The following NOS1 variants were observed in gnomAD, a reference collection of about 807,000 sequenced individuals.
NOS1 encodes nitric oxide synthase 1, also known as NOS type I.
Under a neutral mutation model 164.5 loss-of-function variants are expected in NOS1, and 51 were observed. The ratio of observed to expected loss-of-function variants is 0.31; its 90% CI spans 0.25 to 0.39. NOS1 has a LOEUF of 0.39. Ranked by LOEUF, NOS1 falls within the 10% of genes least tolerant of loss-of-function variation. The probability of loss-of-function intolerance (pLI) is 1.00; values close to 1 mark genes in which losing one functional copy is unlikely to be tolerated. For missense variants in NOS1, 1,362 were observed against 1,885.6 expected, an observed-to-expected ratio of 0.72 and a Z score of 5.14; for synonymous variants, 719 against 745.8, an observed-to-expected ratio of 0.96 and a Z score of 0.59.
rs1876870245 is a variant in NOS1, at chr12:117,356,710, A to G, written c.-421+4802T>C. ...CTTAGCATCATACGACTGTGCCAAGACCCATGTCCACTATACCCTGTTAAC... is the reference window on the plus strand; with the variant it reads ...CTTAGCATCATACGACTGTGCCAAGGCCCATGTCCACTATACCCTGTTAAC... On this transcript the variant is annotated intron_variant, in intron 1 of 28. Transcript: ENST00000317775. The surrounding 1 kb of genome is among the most constrained non-coding windows in gnomAD (Gnocchi z 4.2). Among the ~76,000 whole-genome samples, 1 of 152,230 alleles carries G rather than the reference A, an allele frequency of 6.6e-6. No individual in the cohort carries two copies. Among genetic ancestry groups the G allele is most frequent in the African/African-American group, 2.4e-5 (1 of 41,464 alleles).
At chr12:117,258,351 T>C in intron 16 of NOS1, 46 bp downstream of exon 16, 1 of 1,602,476 alleles carries the variant, frequency 6.2e-7, no homozygotes. Context: ...CAATGTCCAG[T>C]TACCCTCGGG....
intron 27 of NOS1, among the ~76,000 whole-genome samples, chr12:117,219,298 G>GTT (rs201472999): frequency 6.7e-6 from 1 of 148,474 alleles, no homozygotes; most frequent in Admixed American, 6.7e-5. Flanking sequence ...GTTTTGTTTT[G>GTT]TTTTGTTTTT....
At chr12:117,334,528 C>T (rs1268300283) in intron 1 of NOS1, among the ~76,000 whole-genome samples, 1 of 152,094 alleles carries the variant, frequency 6.6e-6, no homozygotes, top group Non-Finnish European at 1.5e-5. Context: ...TCCCGAGTAG[C>T]TGGGATTACG....
In NOS1 at chr12:117,285,327, G is replaced by T; in HGVS notation, c.1296C>A (p.Phe432Leu). The T allele has an allele frequency of 6.2e-7, 1 of 1,606,484 alleles. No homozygotes were observed. Among genetic ancestry groups the T allele is most frequent in the South Asian group, 1.1e-5 (1 of 90,406 alleles). Residue 432 changes from phenylalanine (F) to leucine (L), a missense_variant, in exon 7 of 29, where the codon TTC becomes TTA. Phe to Leu is a conservative substitution (Grantham distance 22). Around this residue, in one of 4 missense-constraint regions of NOS1, gnomAD observed 129 missense variants for 186.0 expected, o/e 0.69. Coordinates refer to ENST00000317775, the MANE Select transcript of NOS1 (RefSeq NM_000620.5). ...GGGCCGTGGTGCAGTCACGGGCATC[G>T]AATACCTGGAAGAGGCACAGGGCGG... Reference protein sequence around the residue: ...GRIQWSKLQVFDARDCTTAHG... With the variant: ...GRIQWSKLQVLDARDCTTAHG...
intron 1 of NOS1, among the ~76,000 whole-genome samples, chr12:117,334,560 T>C (rs1875714242): frequency 6.6e-6 from 1 of 152,032 alleles, no homozygotes; most frequent in Non-Finnish European, 1.5e-5. Context: ...CACACCTGGC[T>C]AATTTTGTAT....
intron 25 of NOS1, 93 bp from the exon 26 acceptor site, chr12:117,222,956 G>A (rs577496959): frequency 2.0e-5 from 28 of 1,427,168 alleles, no homozygotes; most frequent in Admixed American, 4.0e-5. Flanking sequence ...AGACCTTAGC[G>A]TGTGCCATGC....
intron 22 of NOS1, among the ~76,000 whole-genome samples, chr12:117,228,940 C>T (rs779770151): frequency 2.0e-5 from 3 of 152,088 alleles, no homozygotes; most frequent in Non-Finnish European, 4.4e-5. Flanking sequence ...CGCCACCACG[C>T]CCAGCTAATT....
At chr12:117,294,562 A>T (rs1566063155) in intron 3 of NOS1, among the ~76,000 whole-genome samples, 2 of 152,304 alleles carry the variant, frequency 1.3e-5, no homozygotes, top group South Asian at 2.1e-4. Context: ...GCCAGCAGCA[A>T]TATTAGATGA....
At position 117,311,472 on chromosome 12, in the gene NOS1, C is replaced by T. The variant is rs1874428361; in HGVS notation, c.846G>A (p.Lys282=). ...CTTGGCATCAAGCACTTACCTGCTC[C>T]TTCTCTGAATATGGGTTGTTGAGGA... ...PVVLNNPYSE[K]EQPPTSGKQS... The change falls in exon 3 of 29, where the codon AAG becomes AAA. Residue 282 remains lysine (K), a synonymous_variant. Transcript: ENST00000317775. 1 of 1,605,928 alleles carries T rather than the reference C, an allele frequency of 6.2e-7. No homozygotes were observed.
At position 117,240,979 on chromosome 12, in the gene NOS1, G is replaced by A. The variant is rs1362729415; in HGVS notation, c.3041+1648C>T. 3.6e-4 allele frequency among the ~76,000 whole-genome samples: 51 copies of A among 141,938 alleles called. 1 individual carries two copies. In the East Asian group the frequency reaches 9.5e-3, roughly 27 times the overall value. The allele number at this position is 141,938 out of a possible 152,430, so 93.1% of individuals were successfully genotyped here. A position where few individuals can be genotyped will look rare whatever the true frequency, so the allele number is the denominator to read the frequency against. Reference sequence around the variant, plus strand: ...TTTTGAGACAGAGTCTCATTCCGTCGCCCAGGCTGGAGTACAGTGGTGCAA... The same window carrying A: ...TTTTGAGACAGAGTCTCATTCCGTCACCCAGGCTGGAGTACAGTGGTGCAA... On this transcript the variant is annotated intron_variant, in intron 20 of 28. Coordinates refer to ENST00000317775, the MANE Select transcript of NOS1 (RefSeq NM_000620.5).
In NOS1 at chr12:117,225,214, G is replaced by A. The variant is rs553891979; in HGVS notation, c.3705-77C>T. The stretch of plus-strand genomic sequence containing the variant: ...GAACAATTGAATCTTAGGTAGACCA[G>A]GTGGCCATCTTCGGTAGACATACAA... On this transcript the variant is annotated intron_variant, in intron 24 of 28. Transcript: ENST00000317775. 85 of 1,531,776 alleles carry A rather than the reference G, an allele frequency of 5.5e-5. No homozygotes were observed. The African/African-American group carries it at 1.1e-3, about 20-fold the overall frequency. The allele number at this position is 1,531,776 out of a possible 1,614,324, so 94.9% of individuals were successfully genotyped here.
chr12:117,322,495 T>G (rs1593021668), intron 2 of NOS1, among the ~76,000 whole-genome samples: 1 of 105,104 alleles, frequency 9.5e-6, no homozygotes. Context: ...CTTTCCTCTC[T>G]CCTTCTTCCC....
At chr12:117,315,768 G>T (rs182618453) in intron 2 of NOS1, among the ~76,000 whole-genome samples, 51 of 152,296 alleles carry the variant, frequency 3.3e-4, no homozygotes, top group African/African-American at 1.2e-3. Context: ...GACACTTCAT[G>T]TCTCACACTC....
At chr12:117,300,647 C>A (rs1873758560) in intron 3 of NOS1, among the ~76,000 whole-genome samples, 1 of 151,968 alleles carries the variant, frequency 6.6e-6, no homozygotes, top group South Asian at 2.1e-4. Flanking sequence ...TTGAGGGCAC[C>A]CTGGGAATGT....
intron 8 of NOS1, among the ~76,000 whole-genome samples, chr12:117,280,083 T>C (rs965987059): frequency 6.6e-6 from 1 of 152,208 alleles, no homozygotes; most frequent in East Asian, 1.9e-4. Flanking sequence ...CATGTGGGCA[T>C]GGTCCGTATA....
At chr12:117,215,414 T>G in intron 28 of NOS1, 90 bp from the exon 29 acceptor site, 1 of 1,367,780 alleles carries the variant, frequency 7.3e-7, no homozygotes, top group African/African-American at 1.5e-5. Context: ...ACCCATGCTC[T>G]GGGCTCAGGG....
chr12:117,339,808 A>G (rs910225639), intron 1 of NOS1, among the ~76,000 whole-genome samples: 1 of 152,210 alleles, frequency 6.6e-6, no homozygotes, highest in Non-Finnish European at 1.5e-5. Context: ...AAATATAATT[A>G]TAAGTCCATC....
At position 117,285,327 on chromosome 12, in the gene NOS1, G is replaced by A. The variant is rs753948003; in HGVS notation, c.1296C>T (p.Phe432=). 42 of 1,606,484 alleles carry A rather than the reference G, an allele frequency of 2.6e-5. No homozygotes were observed. The highest frequency in any genetic ancestry group is 3.2e-5 in the Non-Finnish European group (38 of 1,174,974). The part of the protein sequence containing the change: ...GRIQWSKLQV[F]DARDCTTAHG... Reference sequence around the variant, plus strand: ...GGGCCGTGGTGCAGTCACGGGCATCGAATACCTGGAAGAGGCACAGGGCGG... The same window carrying A: ...GGGCCGTGGTGCAGTCACGGGCATCAAATACCTGGAAGAGGCACAGGGCGG... The change falls in exon 7 of 29, where the codon TTC becomes TTT. Residue 432 remains phenylalanine, a synonymous_variant. Coordinates refer to ENST00000317775, the MANE Select transcript of NOS1 (RefSeq NM_000620.5).
In NOS1 at chr12:117,285,317, C is replaced by A; in HGVS notation, c.1306G>T (p.Asp436Tyr). 6.2e-7 allele frequency: 1 copy of A among 1,609,846 alleles called. No individual in the cohort carries two copies. Among genetic ancestry groups the A allele is most frequent in the South Asian group, 1.1e-5 (1 of 90,674 alleles). Residue 436 changes from aspartate (D) to tyrosine (Y), a missense_variant, in exon 7 of 29, where the codon GAC (aspartate) becomes TAC (tyrosine). This residue lies in a region of NOS1 where 129 missense variants were observed against 186.0 expected (regional missense o/e 0.69). Transcript: ENST00000317775. ...AACATCCCGTGGGCCGTGGTGCAGT[C>A]ACGGGCATCGAATACCTGGAAGAGG... ...WSKLQVFDAR[D>Y]CTTAHGMFNY...
Sources: gnomAD v4.1 joint callset for allele counts (sites outside exome capture counted in the v4.1 genomes callset) on GRCh38, gnomAD v4.1.1 for gene constraint, gnomAD v4.1.1 regional missense constraint, Gnocchi (gnomAD v3.1) non-coding constraint, MANE v1.5 for transcripts, NCBI Gene and HGNC (gene_info 2026-07-23, HGNC 2026-07-21) for gene names.